Variants in NUDC observed in about 807,000 individuals in gnomAD.
The protein encoded by NUDC is nuclear distribution C, dynein complex regulator, also known as nuclear migration protein nudC.
In NUDC, 14 loss-of-function variants were observed where a neutral mutation model predicts 45.0. That is an observed-to-expected ratio of 0.31 (90% CI 0.21 to 0.49). The LOEUF (loss-of-function observed/expected upper bound fraction) is 0.49. Ranked by LOEUF, NUDC falls within the 20% of genes least tolerant of loss-of-function variation. NUDC has a pLI of 0.99. For missense variants in NUDC, 323 were observed against 426.2 expected, an observed-to-expected ratio of 0.76 and a Z score of 2.13; for synonymous variants, 153 against 156.7, an observed-to-expected ratio of 0.98 and a Z score of 0.17.
chr1:26,900,612 G>A (rs1295210134), intron 1 of NUDC: 1 of 627,160 alleles, frequency 1.6e-6, no homozygotes, highest in East Asian at 2.8e-5. Flanking sequence ...TCCCACAGAG[G>A]GAAGCCGGCG....
At chr1:26,913,106 G>A (rs2082037892) in intron 3 of NUDC, among the ~76,000 whole-genome samples, 1 of 152,236 alleles carries the variant, frequency 6.6e-6, no homozygotes, top group East Asian at 1.9e-4. Flanking sequence ...TCAACATGGT[G>A]AAAGCCCATC....
Position 26,941,672 on chromosome 1 carries a change from G to A in NUDC, c.363+12G>A. On this transcript the variant is annotated intron_variant, in intron 3 of 8. Coordinates refer to ENST00000321265, the MANE Select transcript of NUDC (RefSeq NM_006600.4). ...TAGAGATTGACCAGGTGAAGGGTGG[G>A]CTTCCCTTCTCCACCCCTCAGATCC... 1 of 1,612,316 alleles carries A rather than the reference G, an allele frequency of 6.2e-7. No individual in the cohort carries two copies. The highest frequency in any genetic ancestry group is 8.5e-7 in the Non-Finnish European group (1 of 1,179,092).
upstream of NUDC, among the ~76,000 whole-genome samples, chr1:26,920,179 T>A (rs1056382073): frequency 6.6e-6 from 1 of 152,158 alleles, no homozygotes; most frequent in Non-Finnish European, 1.5e-5. Flanking sequence ...TGTAACCATA[T>A]CAGAGCCTTT....
At chr1:26,917,492 G>A (rs2082067716), upstream of NUDC, among the ~76,000 whole-genome samples, 1 of 152,074 alleles carries the variant, frequency 6.6e-6, no homozygotes, top group Admixed American at 6.6e-5. Context: ...AACCCAGGAG[G>A]CAGAGGTTTC....
At chr1:26,938,038 T>A (rs753235713) in intron 2 of NUDC, among the ~76,000 whole-genome samples, 68 of 152,372 alleles carry the variant, frequency 4.5e-4, no homozygotes, top group Admixed American at 2.5e-3. Context: ...CACATGCCTG[T>A]ACTGTCCTGG....
chr1:26,905,193 C>T (rs551585284), intron 2 of NUDC, among the ~76,000 whole-genome samples: 65 of 125,540 alleles, frequency 5.2e-4, no homozygotes, highest in African/African-American at 1.7e-3. Context: ...CAGAGCCTCA[C>T]TCTGTTGCCT....
Position 26,941,676 on chromosome 1 carries a change from C to A in NUDC, c.363+16C>A, listed in dbSNP as rs750474346. ...GATTGACCAGGTGAAGGGTGGGCTT[C>A]CCTTCTCCACCCCTCAGATCCCCCC... On this transcript the variant is annotated intron_variant, in intron 3 of 8. Transcript: ENST00000321265. 1 of 1,612,592 alleles carries A rather than the reference C, an allele frequency of 6.2e-7. No homozygotes were observed. The highest frequency in any genetic ancestry group is 1.7e-5 in the Admixed American group (1 of 59,736).
At chr1:26,918,572 C>CTTTT (rs1156337137), upstream of NUDC, among the ~76,000 whole-genome samples, 1 of 129,322 alleles carries the variant, frequency 7.7e-6, no homozygotes, top group African/African-American at 2.9e-5. Context: ...CCGCACCCAG[C>CTTTT]TTTTTTTTTT....
At chr1:26,938,367 G>T (rs747544373) in intron 2 of NUDC, among the ~76,000 whole-genome samples, 25 of 152,200 alleles carry the variant, frequency 1.6e-4, no homozygotes, top group Non-Finnish European at 2.9e-4. Flanking sequence ...GAGAGGGGAG[G>T]GCCCTGCTCC....
intron 1 of NUDC, among the ~76,000 whole-genome samples, chr1:26,923,241 A>G (rs2082105332): frequency 6.6e-6 from 1 of 152,188 alleles, no homozygotes; most frequent in African/African-American, 2.4e-5. Flanking sequence ...ACATTGCTAA[A>G]GGCCTCACCT....
chr1:26,918,373 A>G (rs1253319224), upstream of NUDC, among the ~76,000 whole-genome samples: 1 of 150,396 alleles, frequency 6.6e-6, no homozygotes. Flanking sequence ...TCCCAGGTTC[A>G]AACAATTCTC....
chr1:26,908,916 G>A (rs533568972), intron 2 of NUDC, among the ~76,000 whole-genome samples: 3 of 151,548 alleles, frequency 2.0e-5, no homozygotes, highest in South Asian at 2.1e-4. Flanking sequence ...TAGTAGAGAC[G>A]GTGTTTCACC....
rs776544909 is a variant in NUDC at position 26,924,078 on chromosome 1, C to A, written c.82-11C>A. 3.1e-6 allele frequency: 5 copies of A among 1,613,644 alleles called. No individual in the cohort carries two copies. In the East Asian group the frequency reaches 8.9e-5, roughly 29 times the overall value. On this transcript the variant is annotated splice_polypyrimidine_tract_variant and intron_variant, in intron 1 of 8. Transcript: ENST00000321265. ...CAGCTCTACTACTTTAATCTTCTCCCCCTCTTTCAGCTTGTGAACACCTTC... is the reference window on the plus strand; with the variant it reads ...CAGCTCTACTACTTTAATCTTCTCCACCTCTTTCAGCTTGTGAACACCTTC...
At chr1:26,910,047 T>TGG (rs2082019119) in intron 2 of NUDC, among the ~76,000 whole-genome samples, 2 of 152,146 alleles carry the variant, frequency 1.3e-5, no homozygotes, top group African/African-American at 4.8e-5. Flanking sequence ...GACACAGGTC[T>TGG]GCCTACTTAG....
chr1:26,941,047 G>A (rs940535540), intron 2 of NUDC, among the ~76,000 whole-genome samples: 1 of 149,100 alleles, frequency 6.7e-6, no homozygotes, highest in African/African-American at 2.5e-5. Context: ...TCAGCTTCTC[G>A]AGTAGCTGGG....
At chr1:26,901,093 A>G (rs1293070072) in intron 1 of NUDC, among the ~76,000 whole-genome samples, 2 of 152,162 alleles carry the variant, frequency 1.3e-5, no homozygotes, top group Non-Finnish European at 1.5e-5. Flanking sequence ...AAGTTGATAC[A>G]ACCACTTTGG....
intron 6 of NUDC, among the ~76,000 whole-genome samples, chr1:26,944,757 AC>A (rs917019001): frequency 6.0e-5 from 9 of 150,966 alleles, no homozygotes; most frequent in African/African-American, 2.2e-4. Context: ...AGCTGACTGC[AC>A]CACTGCACAT....
chr1:26,941,219 G>A (rs143875516), intron 2 of NUDC, among the ~76,000 whole-genome samples: 126 of 151,518 alleles, frequency 8.3e-4, no homozygotes, highest in African/African-American at 2.6e-3. Flanking sequence ...GTGAGCCAGC[G>A]CGCCCGGCCA....
chr1:26,923,990 A>G lies in NUDC; in HGVS notation c.82-99A>G, dbSNP rs1298055378. 5.7e-6 allele frequency: 6 copies of G among 1,050,244 alleles called. 1 individual carries two copies. The Middle Eastern group carries it at 6.0e-4, about 105-fold the overall frequency. 65.1% of individuals were successfully genotyped at this position (1,050,244 alleles called of 1,614,324 possible). ...GGGAAGCTCAGAGGAAAAATAGTCAAGTCCCAAGTTCCCTCCTAGACAAAA... is the reference window on the plus strand; with the variant it reads ...GGGAAGCTCAGAGGAAAAATAGTCAGGTCCCAAGTTCCCTCCTAGACAAAA... On this transcript the variant is annotated intron_variant, in intron 1 of 8. Transcript: ENST00000321265.
Sources: gnomAD v4.1 joint callset for allele counts (sites outside exome capture counted in the v4.1 genomes callset) on GRCh38, gnomAD v4.1.1 for gene constraint, MANE v1.5 for transcripts, NCBI Gene and HGNC (gene_info 2026-07-23, HGNC 2026-07-21) for gene names.